The following NLGN1 variants were observed in gnomAD, a reference collection of about 807,000 sequenced individuals.
NLGN1 encodes neuroligin 1.
A neutral mutation model predicts 65.5 loss-of-function variants in NLGN1; 12 were observed. That is an observed-to-expected ratio of 0.18 (90% CI 0.12 to 0.30). The LOEUF (loss-of-function observed/expected upper bound fraction) is 0.30. Among genes scored for constraint, NLGN1 ranks in the 10% least tolerant of loss-of-function variants. NLGN1 has a pLI of 1.00. For missense variants in NLGN1, 750 were observed against 1,007.1 expected (o/e 0.74, Z 3.46); for synonymous variants, 350 against 359.5 (o/e 0.97, Z 0.30).
chr3:173,920,371 A>G (rs1042058952), intron 4 of NLGN1, among the ~76,000 whole-genome samples: 3 of 152,144 alleles, frequency 2.0e-5, no homozygotes, highest in Non-Finnish European at 2.9e-5. Flanking sequence ...GAAAACTATG[A>G]TAATATAATT....
intron 3 of NLGN1, among the ~76,000 whole-genome samples, chr3:173,653,769 T>C (rs1759568832): frequency 6.6e-6 from 1 of 152,148 alleles, no homozygotes; most frequent in Non-Finnish European, 1.5e-5. Flanking sequence ...ATTCTGAGAC[T>C]TAGAGGCTTG....
At chr3:173,749,651 CT>C (rs1776038432) in intron 3 of NLGN1, among the ~76,000 whole-genome samples, 1 of 151,872 alleles carries the variant, frequency 6.6e-6, no homozygotes, top group South Asian at 2.1e-4. Context: ...AAATCATTTC[CT>C]TAAATAGTGC....
chr3:174,181,482 A>G (rs945992142), intron 4 of NLGN1, among the ~76,000 whole-genome samples: 59 of 152,064 alleles, frequency 3.9e-4, no homozygotes, highest in African/African-American at 1.4e-3. Context: ...CTCTCAATCC[A>G]CAGGTTTTTC....
At chr3:173,449,891 CT>C (rs1405783624) in intron 2 of NLGN1, among the ~76,000 whole-genome samples, 1 of 152,004 alleles carries the variant, frequency 6.6e-6, no homozygotes, top group African/African-American at 2.4e-5. Context: ...CAACCCCTGC[CT>C]TTTTTTGTTT....
intron 3 of NLGN1, among the ~76,000 whole-genome samples, chr3:173,782,716 G>A (rs1182217748): frequency 7.6e-6 from 1 of 131,772 alleles, no homozygotes; most frequent in Non-Finnish European, 1.6e-5. Context: ...TTTTTGCATT[G>A]TTCTTACCAC....
chr3:173,905,187 G>A (rs1411223108), intron 4 of NLGN1, among the ~76,000 whole-genome samples: 2 of 152,184 alleles, frequency 1.3e-5, no homozygotes, highest in African/African-American at 2.4e-5. Flanking sequence ...CCTTGGACCT[G>A]CCAGAGGTCT....
At chr3:173,775,309 C>T (rs544510633) in intron 3 of NLGN1, among the ~76,000 whole-genome samples, 16 of 152,110 alleles carry the variant, frequency 1.1e-4, no homozygotes, top group South Asian at 1.0e-3. Context: ...ATTACTCTTA[C>T]GTGTTTTAAA....
chr3:173,702,778 T>C (rs1270339921), intron 3 of NLGN1, among the ~76,000 whole-genome samples: 1 of 152,194 alleles, frequency 6.6e-6, no homozygotes, highest in Non-Finnish European at 1.5e-5. Flanking sequence ...CTAACTATTG[T>C]GCAGTTAGGA....
intron 3 of NLGN1, among the ~76,000 whole-genome samples, chr3:173,641,337 G>A (rs762767117): frequency 9.9e-5 from 15 of 151,986 alleles, no homozygotes; most frequent in Non-Finnish European, 2.1e-4. Flanking sequence ...TTTTTTAGAT[G>A]GAATCTCCTT....
chr3:173,829,959 T>G (rs2150585390), intron 4 of NLGN1, among the ~76,000 whole-genome samples: 1 of 148,272 alleles, frequency 6.7e-6, no homozygotes, highest in South Asian at 2.1e-4. Flanking sequence ...GTGGTCATAA[T>G]ATTTGCCCGG....
chr3:173,743,974 CTT>C (rs1775008710), intron 3 of NLGN1, among the ~76,000 whole-genome samples: 1 of 152,038 alleles, frequency 6.6e-6, no homozygotes, highest in Non-Finnish European at 1.5e-5. Flanking sequence ...TTTAAAATGA[CTT>C]TATAAATTCA....
At chr3:174,036,023 T>G (rs551728460) in intron 4 of NLGN1, among the ~76,000 whole-genome samples, 1 of 152,272 alleles carries the variant, frequency 6.6e-6, no homozygotes, top group Non-Finnish European at 1.5e-5. Flanking sequence ...ACTTTTACAA[T>G]AAAGAGATAG....
chr3:174,140,553 T>C lies in NLGN1; in HGVS notation c.647-134762T>C, dbSNP rs538721818. 2.0e-4 allele frequency among the ~76,000 whole-genome samples: 31 copies of C among 152,222 alleles called. 1 individual carries two copies. In the South Asian group the frequency reaches 5.2e-3, roughly 25 times the overall value. The stretch of plus-strand genomic sequence containing the variant: ...GGAAATGAGGCAAAAAGAAAGTAAA[T>C]TTCTGAATGTCATACAACCCATACA... On this transcript the variant is annotated intron_variant, in intron 4 of 6. Transcript: ENST00000457714.
chr3:174,288,528 A>G (rs1386484042), downstream of NLGN1, among the ~76,000 whole-genome samples: 3 of 151,380 alleles, frequency 2.0e-5, no homozygotes, highest in Non-Finnish European at 4.4e-5. Flanking sequence ...CACCGTCTTC[A>G]TCGCCTGAAT....
At chr3:174,125,300 A>G (rs903740893) in intron 4 of NLGN1, among the ~76,000 whole-genome samples, 6 of 152,152 alleles carry the variant, frequency 3.9e-5, no homozygotes, top group African/African-American at 1.4e-4. Flanking sequence ...GGCTTACACT[A>G]GGTTGCAGCA....
chr3:173,882,438 C>T (rs984571747), intron 4 of NLGN1, among the ~76,000 whole-genome samples: 14 of 152,226 alleles, frequency 9.2e-5, no homozygotes, highest in Non-Finnish European at 1.6e-4. Flanking sequence ...CTTTCATATA[C>T]ACTGAAAATC....
chr3:174,091,516 A>T (rs942454285), intron 4 of NLGN1, among the ~76,000 whole-genome samples: 1 of 152,190 alleles, frequency 6.6e-6, no homozygotes, highest in African/African-American at 2.4e-5. Flanking sequence ...TCCAAAATAG[A>T]TCCAGAACTA....
intron 4 of NLGN1, among the ~76,000 whole-genome samples, chr3:173,919,750 G>C (rs1741577202): frequency 6.6e-6 from 1 of 151,662 alleles, no homozygotes; most frequent in Non-Finnish European, 1.5e-5. Context: ...TTTATCTTCT[G>C]TTGAACTAAA....
intron 4 of NLGN1, among the ~76,000 whole-genome samples, chr3:173,919,993 A>C (rs1741639351): frequency 6.6e-6 from 1 of 152,030 alleles, no homozygotes; most frequent in Non-Finnish European, 1.5e-5. Flanking sequence ...TTTTTTAAAA[A>C]AATATTTTAG....
Sources: allele counts gnomAD v4.1 joint callset (sites outside exome capture counted in the v4.1 genomes callset), GRCh38; gene constraint gnomAD v4.1.1; transcripts MANE v1.5; gene names NCBI Gene and HGNC (gene_info 2026-07-23, HGNC 2026-07-21).